Variants in UBAC2 observed in about 807,000 individuals in gnomAD.
UBAC2 encodes UBA domain containing 2.
In UBAC2, 26 loss-of-function variants were observed where a neutral mutation model predicts 44.0. The ratio of observed to expected loss-of-function variants is 0.59; its 90% confidence interval spans 0.43 to 0.82. The LOEUF (loss-of-function observed/expected upper bound fraction) is 0.82. Among genes scored for constraint, UBAC2 ranks in the 40% least tolerant of loss-of-function variants. The probability of loss-of-function intolerance (pLI) is 0.00; values close to 1 mark genes in which losing one functional copy is unlikely to be tolerated. For missense variants in UBAC2, 329 were observed against 419.4 expected, an observed-to-expected ratio of 0.78 and a Z score of 1.88; for synonymous variants, 155 against 154.3, an observed-to-expected ratio of 1.00 and a Z score of -0.04.
chr13:99,257,562 G>A (rs1453728752), intron 4 of UBAC2, among the ~76,000 whole-genome samples: 1 of 152,032 alleles, frequency 6.6e-6, no homozygotes, highest in African/African-American at 2.4e-5. Context: ...AAAAAAATGA[G>A]TGATGCATGT....
intron 7 of UBAC2, among the ~76,000 whole-genome samples, chr13:99,351,001 A>G (rs982883450): frequency 1.3e-5 from 2 of 152,156 alleles, no homozygotes; most frequent in African/African-American, 4.8e-5. Flanking sequence ...AAGGAAGAAA[A>G]CAGTGTTGTT....
At chr13:99,234,749 G>T (rs1289737329) in intron 1 of UBAC2, among the ~76,000 whole-genome samples, 1 of 152,180 alleles carries the variant, frequency 6.6e-6, no homozygotes, top group Non-Finnish European at 1.5e-5. Flanking sequence ...AGAGAGGAAG[G>T]CATGAAAACA....
chr13:99,277,187 A>C (rs1322526649), intron 4 of UBAC2, among the ~76,000 whole-genome samples: 1 of 152,222 alleles, frequency 6.6e-6, no homozygotes, highest in African/African-American at 2.4e-5. Context: ...ATTTTAGGAA[A>C]GAACAGAGGA....
intron 6 of UBAC2, among the ~76,000 whole-genome samples, chr13:99,328,718 C>A (rs2044673833): frequency 6.6e-6 from 1 of 152,106 alleles, no homozygotes; most frequent in South Asian, 2.1e-4. Context: ...TAAAATAATT[C>A]TTTATATATT....
chr13:99,380,741 C>T (rs1021858768), intron 8 of UBAC2, among the ~76,000 whole-genome samples: 7 of 152,188 alleles, frequency 4.6e-5, no homozygotes, highest in African/African-American at 1.4e-4. Context: ...CCTTCAGGTG[C>T]CCTTTCTTAG....
chr13:99,308,464 T>G (rs2044368931), intron 4 of UBAC2, among the ~76,000 whole-genome samples: 1 of 152,200 alleles, frequency 6.6e-6, no homozygotes, highest in African/African-American at 2.4e-5. Context: ...TGGACATAGC[T>G]TTTGGATCAA....
intron 4 of UBAC2, among the ~76,000 whole-genome samples, chr13:99,305,956 C>T (rs1323422361): frequency 2.0e-5 from 3 of 152,058 alleles, no homozygotes; most frequent in East Asian, 1.9e-4. Context: ...AGTGCAGTGG[C>T]GCAATCTCGG....
At chr13:99,331,004 T>A (rs1271275320) in intron 6 of UBAC2, among the ~76,000 whole-genome samples, 1 of 152,232 alleles carries the variant, frequency 6.6e-6, no homozygotes, top group Admixed American at 6.5e-5. Context: ...GATGGTTTTC[T>A]CCATGTGCTA....
At chr13:99,233,827 G>C (rs934474333) in intron 1 of UBAC2, among the ~76,000 whole-genome samples, 1 of 152,100 alleles carries the variant, frequency 6.6e-6, no homozygotes, top group Non-Finnish European at 1.5e-5. Context: ...AAAAAAAAAG[G>C]CAGTGTTTTT....
In UBAC2 at chr13:99,314,080, T is replaced by C; in HGVS notation, c.390-17T>C. The C allele has an allele frequency of 6.3e-7, 1 of 1,593,040 alleles. No homozygotes were observed. Among genetic ancestry groups the C allele is most frequent in the Non-Finnish European group, 8.5e-7 (1 of 1,172,514 alleles). ...AAATTCACTATTATAGTGATTTTTTTTTATTTGTTTGCATAGCCTGGCACC... is the reference window on the plus strand; with the variant it reads ...AAATTCACTATTATAGTGATTTTTTCTTATTTGTTTGCATAGCCTGGCACC... On this transcript the variant is annotated splice_polypyrimidine_tract_variant and intron_variant, in intron 4 of 8. Transcript: ENST00000403766.
chr13:99,370,606 C>T (rs2045392589), intron 8 of UBAC2, among the ~76,000 whole-genome samples: 1 of 152,242 alleles, frequency 6.6e-6, no homozygotes, highest in Admixed American at 6.5e-5. Flanking sequence ...CACGCACCTG[C>T]CTCTGTAGCA....
At chr13:99,205,792 G>A (rs555309472) in intron 1 of UBAC2, 75 of 165,998 alleles carry the variant, frequency 4.5e-4, no homozygotes, top group African/African-American at 1.7e-3. Flanking sequence ...CTAGGCGGGT[G>A]TCCCCTTCCT....
intron 7 of UBAC2, among the ~76,000 whole-genome samples, chr13:99,352,617 A>T (rs901866615): frequency 6.6e-6 from 1 of 150,456 alleles, no homozygotes; most frequent in Non-Finnish European, 1.5e-5. Flanking sequence ...CAGCTTCCTT[A>T]GGAAGCTTCC....
At chr13:99,201,552 T>C (rs571685624) in intron 1 of UBAC2, 1 of 1,614,120 alleles carries the variant, frequency 6.2e-7, no homozygotes, top group Non-Finnish European at 8.5e-7. Flanking sequence ...CCTGGCGTGT[T>C]AGCGGTGGTC....
intron 4 of UBAC2, among the ~76,000 whole-genome samples, chr13:99,280,960 C>CA (rs2043946722): frequency 6.6e-6 from 1 of 152,036 alleles, no homozygotes; most frequent in African/African-American, 2.4e-5. Flanking sequence ...CCGAGGCAGG[C>CA]AGATCACTTG....
intron 4 of UBAC2, among the ~76,000 whole-genome samples, chr13:99,260,525 C>G (rs927980085): frequency 6.6e-6 from 1 of 152,204 alleles, no homozygotes; most frequent in Non-Finnish European, 1.5e-5. Context: ...TCGTCCTCCC[C>G]TGCAACCCAT....
At chr13:99,248,413 C>G (rs986771080) in intron 4 of UBAC2, among the ~76,000 whole-genome samples, 2 of 134,932 alleles carry the variant, frequency 1.5e-5, no homozygotes, top group Non-Finnish European at 3.1e-5. Flanking sequence ...TTTTTTGAGA[C>G]AGATTTTCAC....
intron 7 of UBAC2, among the ~76,000 whole-genome samples, chr13:99,359,118 A>G (rs927197516): frequency 9.2e-5 from 14 of 152,324 alleles, no homozygotes; most frequent in African/African-American, 3.4e-4. Context: ...AGGCGTAGCT[A>G]GAGGGCTAGA....
chr13:99,276,758 A>G (rs1324684659), intron 4 of UBAC2, among the ~76,000 whole-genome samples: 1 of 152,226 alleles, frequency 6.6e-6, no homozygotes, highest in Non-Finnish European at 1.5e-5. Context: ...TAAATAACCC[A>G]TTAGGGTAAA....
Sources: allele counts gnomAD v4.1 joint callset (sites outside exome capture counted in the v4.1 genomes callset), GRCh38; gene constraint gnomAD v4.1.1; transcripts MANE v1.5; gene names NCBI Gene and HGNC (gene_info 2026-07-23, HGNC 2026-07-21).